The following PDE3A variants were observed in gnomAD, a reference collection of about 807,000 sequenced individuals.
The protein encoded by PDE3A is cGMP-inhibited 3',5'-cyclic phosphodiesterase 3A.
PDE3A carries 43 observed loss-of-function variants against 98.3 expected under a neutral mutation model. The ratio of observed to expected loss-of-function variants is 0.44; its 90% CI spans 0.34 to 0.56. The LOEUF (loss-of-function observed/expected upper bound fraction) is 0.56. PDE3A is among the 20% of genes least tolerant of loss of function. The pLI is 0.01. For missense variants in PDE3A, 1,427 were observed against 1,440.7 expected, an observed-to-expected ratio of 0.99 and a Z score of 0.15; for synonymous variants, 663 against 567.9, an observed-to-expected ratio of 1.17 and a Z score of -2.38.
At chr12:20,520,897 G>A (rs532606562) in intron 1 of PDE3A, among the ~76,000 whole-genome samples, 16 of 152,270 alleles carry the variant, frequency 1.1e-4, no homozygotes, top group African/African-American at 3.8e-4. Flanking sequence ...GCTGCAAAGG[G>A]GGCTGATGAT....
chr12:20,673,979 G>C (rs1264556299), intron 15 of PDE3A, among the ~76,000 whole-genome samples: 1 of 152,122 alleles, frequency 6.6e-6, no homozygotes, highest in Non-Finnish European at 1.5e-5. Context: ...TTGCATTCGT[G>C]TGTGTTGTCT....
At chr12:20,629,391 G>A (rs1199690200) in intron 5 of PDE3A, among the ~76,000 whole-genome samples, 1 of 152,104 alleles carries the variant, frequency 6.6e-6, no homozygotes, top group Non-Finnish European at 1.5e-5. Context: ...CTGAAACTGC[G>A]AATGGTTAAG....
At chr12:20,387,598 G>A (rs73232488) in intron 1 of PDE3A, among the ~76,000 whole-genome samples, 2,689 of 151,992 alleles carry the variant, frequency 0.018, 75 homozygotes, top group African/African-American at 0.061. Flanking sequence ...TCTTTTTATA[G>A]AGGAAATACT....
chr12:20,672,360 A>G (rs1592171699), intron 15 of PDE3A, among the ~76,000 whole-genome samples: 7 of 110,882 alleles, frequency 6.3e-5, no homozygotes, highest in African/African-American at 2.5e-4. Flanking sequence ...TAAAGTTCAT[A>G]TGGAACCAAA....
chr12:20,620,302 T>A (rs1282879696), intron 4 of PDE3A, among the ~76,000 whole-genome samples: 1 of 152,018 alleles, frequency 6.6e-6, no homozygotes, highest in African/African-American at 2.4e-5. Context: ...GATCAAATTG[T>A]CAAATCATAT....
intron 1 of PDE3A, among the ~76,000 whole-genome samples, chr12:20,481,378 A>G (rs1270916965): frequency 2.0e-5 from 3 of 152,180 alleles, no homozygotes; most frequent in South Asian, 4.1e-4. Flanking sequence ...TTGAAACTGA[A>G]TATTTATTAT....
chr12:20,488,142 G>A (rs1163483901), intron 1 of PDE3A, among the ~76,000 whole-genome samples: 2 of 151,846 alleles, frequency 1.3e-5, no homozygotes, highest in Non-Finnish European at 2.9e-5. Flanking sequence ...GGGGCAAGAG[G>A]GGCACTATAT....
intron 1 of PDE3A, among the ~76,000 whole-genome samples, chr12:20,395,560 GTATA>G: frequency 6.9e-6 from 1 of 144,424 alleles, no homozygotes; most frequent in East Asian, 2.0e-4. Context: ...TGTACACATA[GTATA>G]TATATACATA....
At chr12:20,677,441 T>A (rs1460242102) in intron 15 of PDE3A, among the ~76,000 whole-genome samples, 4 of 140,980 alleles carry the variant, frequency 2.8e-5, no homozygotes, top group Non-Finnish European at 6.2e-5. Context: ...GGTGTAGCAG[T>A]TGCTTGTTCT....
At chr12:20,483,646 G>C (rs922764347) in intron 1 of PDE3A, among the ~76,000 whole-genome samples, 2 of 152,016 alleles carry the variant, frequency 1.3e-5, no homozygotes, top group Non-Finnish European at 2.9e-5. Flanking sequence ...ATATTACTCT[G>C]TTTTTACTGT....
At chr12:20,637,530 A>G (rs1944546285) in intron 9 of PDE3A, among the ~76,000 whole-genome samples, 1 of 152,196 alleles carries the variant, frequency 6.6e-6, no homozygotes, top group African/African-American at 2.4e-5. Context: ...AGAATTAAGC[A>G]AAAGAAAATC....
intron 3 of PDE3A, 101 bp downstream of exon 3, chr12:20,613,801 C>G: frequency 4.9e-6 from 4 of 816,350 alleles, no homozygotes; most frequent in Admixed American, 2.3e-5. Flanking sequence ...AGATTCATAT[C>G]AGTGACTCAG....
chr12:20,664,164 A>T (rs1219718974), intron 15 of PDE3A, among the ~76,000 whole-genome samples: 1 of 152,136 alleles, frequency 6.6e-6, no homozygotes, highest in Non-Finnish European at 1.5e-5. Context: ...AGGCCTCCCC[A>T]GCCCTGTGGA....
Position 20,580,638 on chromosome 12 carries a change from T to G in PDE3A, c.1011+23928T>G, listed in dbSNP as rs74802626. On this transcript the variant is annotated intron_variant, in intron 2 of 15. Coordinates refer to ENST00000359062, the MANE Select transcript of PDE3A (RefSeq NM_000921.5). ...TTTTGACAAGCAAAGGCTTTCTGAT[T>G]CTTTTCTGTTTCTCTTTCTATTGAT... Among the ~76,000 whole-genome samples, 1,489 of 152,320 alleles carry G rather than the reference T, an allele frequency of 9.8e-3. 35 individuals carry two copies. The highest frequency in any genetic ancestry group is 0.034 in the African/African-American group (1,413 of 41,566).
chr12:20,660,935 T>C lies in PDE3A; in HGVS notation c.3184+6730T>C, dbSNP rs553577072. ...ATGTGGAAACGACTTTGGAACTGGG[T>C]AACAGGAAGAGGTTGGAACAGTTTG... On this transcript the variant is annotated intron_variant, in intron 15 of 15. Transcript: ENST00000359062. Among the ~76,000 whole-genome samples the C allele has an allele frequency of 5.1e-4, 78 of 152,176 alleles. 3 individuals are homozygous for C. In the South Asian group the frequency reaches 0.016, roughly 31 times the overall value.
chr12:20,562,346 A>G (rs953901450), intron 2 of PDE3A, among the ~76,000 whole-genome samples: 10 of 151,458 alleles, frequency 6.6e-5, no homozygotes, highest in African/African-American at 2.2e-4. Context: ...CAGCCTCCCA[A>G]GGAGCTGGGA....
Position 20,552,028 on chromosome 12 carries a change from G to A in PDE3A, c.961-4632G>A, listed in dbSNP as rs1942220900. ...CTCCCTAGTCCTGGCGGGGGGCTAC[G>A]AGGATGACGTGGACCATGGGAATTT... On this transcript the variant is annotated intron_variant, in intron 1 of 15. Coordinates refer to ENST00000359062, the MANE Select transcript of PDE3A (RefSeq NM_000921.5). This position sits in a 1 kb window ranked among gnomAD's most constrained non-coding sequence, Gnocchi z 5.1. 3.7e-6 allele frequency: 6 copies of A among 1,612,452 alleles called. No homozygotes were observed. In the South Asian group the frequency reaches 4.4e-5, roughly 12 times the overall value.
At position 20,685,565 on chromosome 12, in the gene PDE3A, G is replaced by T. The variant is rs1945938645; in HGVS notation, c.*5294G>T. On this transcript the variant is annotated 3_prime_UTR_variant, in exon 16 of 16. Transcript: ENST00000359062. ...AGTGTAGGTAAGACCATAAAATACA[G>T]TGTATAGAATTATATATAAATGGAA... Among the ~76,000 whole-genome samples the T allele has an allele frequency of 6.6e-6, 1 of 152,020 alleles. No homozygotes were observed. The highest frequency in any genetic ancestry group is 2.1e-4 in the South Asian group (1 of 4,820).
intron 1 of PDE3A, chr12:20,551,478 A>C (rs1381715995): frequency 1.2e-5 from 8 of 682,152 alleles, no homozygotes; most frequent in Non-Finnish European, 2.0e-5. Flanking sequence ...GTGGTGGTGC[A>C]TGGCCGTTCT....
Sources: allele counts gnomAD v4.1 joint callset (sites outside exome capture counted in the v4.1 genomes callset), GRCh38; gene constraint gnomAD v4.1.1; non-coding constraint Gnocchi (gnomAD v3.1); transcripts MANE v1.5; gene names NCBI Gene and HGNC (gene_info 2026-07-23, HGNC 2026-07-21).